Variants in GALNT13 observed in about 807,000 individuals in gnomAD.
GALNT13 encodes the protein UDP-GalNAc:polypeptide N-acetylgalactosaminyltransferase 13.
A neutral mutation model predicts 64.2 loss-of-function variants in GALNT13; 28 were observed. The observed-to-expected ratio is 0.44, with a 90% CI of 0.32 to 0.60. The LOEUF (loss-of-function observed/expected upper bound fraction) is 0.60. GALNT13 is among the 20% of genes least tolerant of loss of function. GALNT13 has a pLI of 0.05. For synonymous variants in GALNT13, 214 were observed against 224.6 expected (o/e 0.95, Z 0.42); for missense variants, 577 against 669.8 (o/e 0.86, Z 1.53).
chr2:154,386,838 T>G (rs1287355591), intron 9 of GALNT13, among the ~76,000 whole-genome samples: 2 of 152,126 alleles, frequency 1.3e-5, no homozygotes, highest in Non-Finnish European at 2.9e-5. Context: ...ATGAGATCTT[T>G]ATTGTCACAC....
At chr2:153,405,205 A>G in the GALNT13 span, among the ~76,000 whole-genome samples, 9 of 152,246 alleles carry the variant, frequency 5.9e-5, no homozygotes, top group Non-Finnish European at 1.2e-4. Context: ...AACATATTGC[A>G]AGAAAGACAA....
chr2:154,338,042 T>C (rs1695551804), intron 9 of GALNT13, among the ~76,000 whole-genome samples: 1 of 152,078 alleles, frequency 6.6e-6, no homozygotes, highest in Non-Finnish European at 1.5e-5. Flanking sequence ...TGCAGAGAAT[T>C]TCTTTTCTAG....
At chr2:153,195,224 G>T in the GALNT13 span, among the ~76,000 whole-genome samples, 2 of 152,086 alleles carry the variant, frequency 1.3e-5, no homozygotes, top group Non-Finnish European at 2.9e-5. Flanking sequence ...CACTTCTCTG[G>T]CTAAAAACCT....
At chr2:153,960,203 A>T (rs1692849466) in intron 3 of GALNT13, among the ~76,000 whole-genome samples, 1 of 152,160 alleles carries the variant, frequency 6.6e-6, no homozygotes, top group Admixed American at 6.5e-5. Flanking sequence ...GGCTCTGCTG[A>T]TCAGTGTCCC....
At chr2:154,185,232 C>A (rs1686185577) in intron 4 of GALNT13, among the ~76,000 whole-genome samples, 1 of 151,882 alleles carries the variant, frequency 6.6e-6, no homozygotes, top group Admixed American at 6.6e-5. Context: ...ATGAAGTTTC[C>A]TTTGTTTCTG....
the GALNT13 span, among the ~76,000 whole-genome samples, chr2:153,251,752 A>G: frequency 1.3e-5 from 2 of 151,776 alleles, no homozygotes; most frequent in East Asian, 3.9e-4. Context: ...TAGTTTACTG[A>G]GAGTGATGAT....
At chr2:153,630,803 AT>A in the GALNT13 span, among the ~76,000 whole-genome samples, 1 of 17,534 alleles carries the variant, frequency 5.7e-5, no homozygotes, top group African/African-American at 2.2e-4. Flanking sequence ...ATATATATAT[AT>A]ATATTTTTTT....
At chr2:154,370,448 C>T (rs1335396279) in intron 9 of GALNT13, among the ~76,000 whole-genome samples, 1 of 152,012 alleles carries the variant, frequency 6.6e-6, no homozygotes, top group Non-Finnish European at 1.5e-5. Context: ...GTGAGGACAG[C>T]AGTAGGAGAA....
the GALNT13 span, among the ~76,000 whole-genome samples, chr2:153,068,939 A>T: frequency 6.6e-6 from 1 of 152,204 alleles, no homozygotes; most frequent in African/African-American, 2.4e-5. Context: ...TAGATATCTG[A>T]GTCAATGCCA....
chr2:153,290,179 C>A, the GALNT13 span, among the ~76,000 whole-genome samples: 9 of 152,130 alleles, frequency 5.9e-5, 1 homozygote, highest in Non-Finnish European at 7.4e-5. Context: ...TTGCTTTGTT[C>A]AAAATTGTTA....
At chr2:153,549,124 G>T in the GALNT13 span, among the ~76,000 whole-genome samples, 1 of 152,134 alleles carries the variant, frequency 6.6e-6, no homozygotes, top group Admixed American at 6.6e-5. Context: ...GGAATATGGA[G>T]TGACTGATGA....
the GALNT13 span, among the ~76,000 whole-genome samples, chr2:153,238,233 C>A: frequency 1.3e-4 from 20 of 151,986 alleles, no homozygotes; most frequent in Non-Finnish European, 1.3e-4. Flanking sequence ...GACTATTAAT[C>A]CTTTGTCAGA....
At chr2:153,187,601 G>C in the GALNT13 span, 4 of 152,130 alleles carry the variant, frequency 2.6e-5, no homozygotes, top group African/African-American at 4.8e-5. Context: ...AGTGAAACAT[G>C]AGACCTCCTA....
intron 4 of GALNT13, among the ~76,000 whole-genome samples, chr2:154,191,018 A>G (rs1384905868): frequency 6.6e-6 from 1 of 152,154 alleles, no homozygotes; most frequent in Non-Finnish European, 1.5e-5. Flanking sequence ...ACATGCTTCT[A>G]TCATATTGGA....
the GALNT13 span, among the ~76,000 whole-genome samples, chr2:153,149,421 G>T: frequency 6.6e-6 from 1 of 151,818 alleles, no homozygotes; most frequent in Non-Finnish European, 1.5e-5. Flanking sequence ...AACAGAATGA[G>T]TTCTGGACAA....
intron 3 of GALNT13, among the ~76,000 whole-genome samples, chr2:153,982,066 C>A (rs889778461): frequency 2.0e-5 from 3 of 152,086 alleles, no homozygotes; most frequent in Admixed American, 6.6e-5. Flanking sequence ...CTTTCTGATG[C>A]TCTTTCAAAC....
At chr2:154,176,073 G>A (rs932256635) in intron 4 of GALNT13, among the ~76,000 whole-genome samples, 5 of 151,860 alleles carry the variant, frequency 3.3e-5, no homozygotes, top group Admixed American at 2.6e-4. Flanking sequence ...AAGTGATAAC[G>A]AAAACATTAG....
the GALNT13 span, among the ~76,000 whole-genome samples, chr2:153,226,935 AG>A: frequency 6.6e-6 from 1 of 152,228 alleles, no homozygotes; most frequent in Non-Finnish European, 1.5e-5. Flanking sequence ...GTTGGTGTTG[AG>A]CAGGACCATA....
chr2:154,181,679 GTAAT>G (rs1361987721), intron 4 of GALNT13, among the ~76,000 whole-genome samples: 1 of 151,866 alleles, frequency 6.6e-6, no homozygotes, highest in African/African-American at 2.4e-5. Context: ...AAAAATAGAA[GTAAT>G]TAATATTCTT....
Sources: gnomAD v4.1 joint callset for allele counts (sites outside exome capture counted in the v4.1 genomes callset) on GRCh38, gnomAD v4.1.1 for gene constraint, MANE v1.5 for transcripts, NCBI Gene and HGNC (gene_info 2026-07-23, HGNC 2026-07-21) for gene names.